Variants in TANC1 observed in about 807,000 individuals in gnomAD.
The protein encoded by TANC1 is protein TANC1.
A neutral mutation model predicts 149.7 loss-of-function variants in TANC1; 77 were observed. The ratio of observed to expected loss-of-function variants is 0.51; its 90% CI spans 0.43 to 0.62. The LOEUF is 0.62. Ranked by LOEUF, TANC1 falls within the 20% of genes least tolerant of loss-of-function variation. The pLI is 0.00. For missense variants in TANC1, 1,985 were observed against 2,321.8 expected (o/e 0.85, Z 2.98); for synonymous variants, 854 against 925.0 (o/e 0.92, Z 1.39).
chr2:159,094,227 C>G (rs552081410), intron 3 of TANC1, among the ~76,000 whole-genome samples: 1 of 152,174 alleles, frequency 6.6e-6, no homozygotes, highest in Non-Finnish European at 1.5e-5. Flanking sequence ...GTGATTTAGC[C>G]TATGTGAGAA....
intron 3 of TANC1, among the ~76,000 whole-genome samples, chr2:159,088,626 G>A (rs776421080): frequency 1.1e-4 from 16 of 152,196 alleles, no homozygotes; most frequent in Non-Finnish European, 1.5e-4. Context: ...GGCCCAGGAC[G>A]GCTTTGAATG....
At chr2:159,212,646 G>A (rs761208442) in intron 19 of TANC1, among the ~76,000 whole-genome samples, 13 of 152,290 alleles carry the variant, frequency 8.5e-5, no homozygotes, top group Non-Finnish European at 1.8e-4. Context: ...TCCCGGCTGG[G>A]CATGGTGGTT....
intron 19 of TANC1, among the ~76,000 whole-genome samples, chr2:159,202,568 C>A (rs1157663819): frequency 6.6e-6 from 1 of 152,138 alleles, no homozygotes; most frequent in Non-Finnish European, 1.5e-5. Flanking sequence ...CTCTCAAGCT[C>A]TCCCTCTCCC....
At position 159,001,096 on chromosome 2, in the gene TANC1, A is replaced by G. The variant is rs78057739; in HGVS notation, c.-109A>G. On this transcript the variant is annotated 5_prime_UTR_variant, in exon 2 of 27. Transcript: ENST00000263635. This position sits in a 1 kb window ranked among gnomAD's most constrained non-coding sequence, Gnocchi z 4.3. The stretch of plus-strand genomic sequence containing the variant: ...TTCCTTTAGGAGCTGACTGCTGGGC[A>G]GGAACGTCTCTCAGGAGAAAGAGTG... 1.7e-3 allele frequency: 257 copies of G among 152,458 alleles called. 8 individuals are homozygous for G. In the East Asian group the frequency reaches 0.045, roughly 27 times the overall value. The allele number at this position is 152,458 out of a possible 1,614,324, so 9.4% of individuals were successfully genotyped here. A position where few individuals can be genotyped will look rare whatever the true frequency, so the allele number is the denominator to read the frequency against.
rs57208685 is a variant in TANC1, at chr2:159,046,589, C to CTTTTTTTT, written c.-15-19286_-15-19279dup. The stretch of plus-strand genomic sequence containing the variant: ...ATGCACCATTCTTTTCTTTTCTTTA[C>CTTTTTTTT]TTTTTTTTTTTTTTTTTTTTTTTTT... On this transcript the variant is annotated intron_variant, in intron 2 of 26. Transcript: ENST00000263635. 1.3e-4 allele frequency among the ~76,000 whole-genome samples: 11 copies of CTTTTTTTT among 84,388 alleles called. 1 individual carries two copies. The highest frequency in any genetic ancestry group is 1.9e-4 in the Non-Finnish European group (9 of 47,890). 55.4% of individuals were successfully genotyped at this position (84,388 alleles called of 152,430 possible).
intron 19 of TANC1, among the ~76,000 whole-genome samples, chr2:159,207,787 C>T (rs1343978258): frequency 2.9e-5 from 4 of 140,140 alleles, no homozygotes; most frequent in Non-Finnish European, 4.5e-5. Context: ...GGTTTAATTT[C>T]GGAGGCTTAT....
At chr2:159,093,738 C>T (rs2045793286) in intron 3 of TANC1, among the ~76,000 whole-genome samples, 1 of 151,920 alleles carries the variant, frequency 6.6e-6, no homozygotes. Context: ...GGAAACCCCC[C>T]TCCCCCTCCC....
Position 159,230,367 on chromosome 2 carries a change from G to C in TANC1, c.4941G>C (p.Gly1647=), listed in dbSNP as rs772246158. 6 of 1,614,106 alleles carry C rather than the reference G, an allele frequency of 3.7e-6. No individual in the cohort carries two copies. The highest frequency in any genetic ancestry group is 5.1e-6 in the Non-Finnish European group (6 of 1,180,032). The change falls in exon 27 of 27, where the codon GGG becomes GGC. Residue 1647 remains glycine (G), a synonymous_variant. Coordinates refer to ENST00000263635, the MANE Select transcript of TANC1 (RefSeq NM_033394.3). The surrounding 1 kb of genome is among the most constrained non-coding windows in gnomAD (Gnocchi z 4.4). ...ACGCAGCCCCTCCAAACCAAGGTGG[G>C]CTGGCGACCTGCAGCGACGTGCGAC... ...AVDAAPPNQG[G]LATCSDVRHP... is the part of the protein sequence containing the mutation.
Position 158,980,563 on chromosome 2 carries a change from T to A in TANC1, c.-126+11781T>A, listed in dbSNP as rs1473481520. On this transcript the variant is annotated intron_variant, in intron 1 of 26. Transcript: ENST00000263635. ...AGGCCGAAGTGGGCAGATCACGAGG[T>A]CAGGAGATTGAGACCATCCTGGCTA... Among the ~76,000 whole-genome samples the A allele has an allele frequency of 2.0e-5, 3 of 151,954 alleles. No individual in the cohort carries two copies. The East Asian group carries it at 5.8e-4, about 29-fold the overall frequency.
intron 4 of TANC1, among the ~76,000 whole-genome samples, chr2:159,134,556 C>T (rs2050452605): frequency 6.6e-6 from 1 of 152,162 alleles, no homozygotes; most frequent in Admixed American, 6.5e-5. Flanking sequence ...GATCTCAGCT[C>T]ACTGCAGACT....
chr2:159,204,526 TGTCCTCATGCTGGTCTCTGGCAGTC>T (rs2058470957), intron 19 of TANC1, among the ~76,000 whole-genome samples: 2 of 152,198 alleles, frequency 1.3e-5, no homozygotes, highest in African/African-American at 2.4e-5. Flanking sequence ...GGGTGTGCTG[TGTCCTCATGCTGGTCTCTGGCAGTC>T]GTCCTGCCCT....
At position 159,228,476 on chromosome 2, in the gene TANC1, T is replaced by A. The variant is rs73967253; in HGVS notation, c.4051-320T>A. Reference sequence around the variant, plus strand: ...GCCCCAGTCTGTTGAGCTGCTTGCTTCTGTGCCCTGCTGCCGGAATAGATG... The same window carrying A: ...GCCCCAGTCTGTTGAGCTGCTTGCTACTGTGCCCTGCTGCCGGAATAGATG... On this transcript the variant is annotated intron_variant, in intron 25 of 26. Coordinates refer to ENST00000263635, the MANE Select transcript of TANC1 (RefSeq NM_033394.3). The A allele has an allele frequency of 9.0e-3, 3,002 of 334,296 alleles. 88 individuals are homozygous for A. The highest frequency in any genetic ancestry group is 0.059 in the African/African-American group (2,804 of 47,650). The allele number at this position is 334,296 out of a possible 1,614,324, so 20.7% of individuals were successfully genotyped here. A position where few individuals can be genotyped will look rare whatever the true frequency, so the allele number is the denominator to read the frequency against.
At chr2:159,028,817 G>C (rs1173048536) in intron 2 of TANC1, among the ~76,000 whole-genome samples, 1 of 152,224 alleles carries the variant, frequency 6.6e-6, no homozygotes, top group African/African-American at 2.4e-5. Flanking sequence ...GCCCAGTCTA[G>C]ATGCAGTGGC....
chr2:159,088,413 C>T (rs1024705947), intron 3 of TANC1, among the ~76,000 whole-genome samples: 1 of 152,140 alleles, frequency 6.6e-6, no homozygotes, highest in Non-Finnish European at 1.5e-5. Context: ...GGGAAACCTT[C>T]CCGAGCTTAT....
rs35472970 is a variant in TANC1, at chr2:158,983,468, C to CAAAAAAAAAAAA, written c.-126+14694_-126+14705dup. 8.0e-3 allele frequency among the ~76,000 whole-genome samples: 707 copies of CAAAAAAAAAAAA among 88,662 alleles called. 11 individuals are homozygous for CAAAAAAAAAAAA. Among genetic ancestry groups the CAAAAAAAAAAAA allele is most frequent in the East Asian group, 0.045 (140 of 3,096 alleles). The allele number at this position is 88,662 out of a possible 152,430, so 58.2% of individuals were successfully genotyped here. ...GGAGACAGAGCAAGACTCCGTCTCC[C>CAAAAAAAAAAAA]AAAAAAAAAAAAAAAAAAACACCAA... is the stretch of plus-strand genomic sequence containing the variant. On this transcript the variant is annotated intron_variant, in intron 1 of 26. Coordinates refer to ENST00000263635, the MANE Select transcript of TANC1 (RefSeq NM_033394.3).
intron 2 of TANC1, among the ~76,000 whole-genome samples, chr2:159,021,240 T>C (rs2038808131): frequency 6.6e-6 from 1 of 152,190 alleles, no homozygotes; most frequent in African/African-American, 2.4e-5. Flanking sequence ...AGTTTACACA[T>C]AATGATATAG....
chr2:158,972,174 GGT>G (rs2032981289), intron 1 of TANC1, among the ~76,000 whole-genome samples: 1 of 151,974 alleles, frequency 6.6e-6, no homozygotes. Context: ...TAGGCTTCAG[GGT>G]GTAATGTGAT....
intron 6 of TANC1, 25 bp from the exon 7 acceptor site, chr2:159,150,345 A>T: frequency 1.9e-6 from 3 of 1,602,432 alleles, no homozygotes; most frequent in Non-Finnish European, 2.6e-6. Flanking sequence ...AGCCGTGCTA[A>T]CTCCTCCTTC....
chr2:159,196,343 G>A (rs1406617524), intron 17 of TANC1, among the ~76,000 whole-genome samples: 1 of 152,236 alleles, frequency 6.6e-6, no homozygotes, highest in Admixed American at 6.5e-5. Flanking sequence ...GGAGCTTTGT[G>A]TAGTTTGCTG....
Sources: allele counts gnomAD v4.1 joint callset (sites outside exome capture counted in the v4.1 genomes callset), GRCh38; gene constraint gnomAD v4.1.1; non-coding constraint Gnocchi (gnomAD v3.1); transcripts MANE v1.5; gene names NCBI Gene and HGNC (gene_info 2026-07-23, HGNC 2026-07-21).